CNBD1: variants seen among roughly 807,000 people sequenced by gnomAD.
CNBD1 encodes cyclic nucleotide binding domain containing 1.
Under a neutral mutation model 54.4 loss-of-function variants are expected in CNBD1, and 71 were observed. That is an observed-to-expected ratio of 1.30 (90% CI 1.08 to 1.59). The LOEUF is 1.59. Ranked by LOEUF, CNBD1 falls within the 40% of genes most tolerant of loss-of-function variation. CNBD1 has a pLI of 0.00. For missense variants in CNBD1, 659 were observed against 518.0 expected (o/e 1.27, Z -2.64); for synonymous variants, 182 against 170.7 (o/e 1.07, Z -0.51).
intron 8 of CNBD1, among the ~76,000 whole-genome samples, chr8:87,319,128 G>A (rs1479542710): frequency 6.6e-6 from 1 of 152,082 alleles, no homozygotes; most frequent in African/African-American, 2.4e-5. Context: ...GCCCCTCAAT[G>A]CTGAGAGCAC....
intron 4 of CNBD1, among the ~76,000 whole-genome samples, chr8:86,986,196 G>T (rs1808603100): frequency 6.6e-6 from 1 of 152,128 alleles, no homozygotes; most frequent in Non-Finnish European, 1.5e-5. Flanking sequence ...CCAAAGTGCT[G>T]CGATTACAGG....
chr8:87,318,975 A>G (rs1358701078), intron 8 of CNBD1, among the ~76,000 whole-genome samples: 1 of 152,150 alleles, frequency 6.6e-6, no homozygotes, highest in African/African-American at 2.4e-5. Flanking sequence ...ATAATGAAAT[A>G]AACTTGGAGC....
chr8:87,137,489 A>C (rs1812280378), intron 4 of CNBD1, among the ~76,000 whole-genome samples: 1 of 151,924 alleles, frequency 6.6e-6, no homozygotes, highest in Admixed American at 6.6e-5. Context: ...GGCGTGAGCC[A>C]CCGCGGCCGG....
At chr8:87,118,110 T>C (rs895968488) in intron 4 of CNBD1, among the ~76,000 whole-genome samples, 2 of 151,800 alleles carry the variant, frequency 1.3e-5, no homozygotes, top group Admixed American at 6.6e-5. Context: ...GGTCAGGAGA[T>C]TGAGACCAGC....
At chr8:87,268,681 T>G (rs1454556860) in intron 6 of CNBD1, among the ~76,000 whole-genome samples, 1 of 152,130 alleles carries the variant, frequency 6.6e-6, no homozygotes, top group East Asian at 1.9e-4. Context: ...TCTCTAATAA[T>G]TAGTAATGAG....
chr8:87,376,806 G>A (rs535913408), intron 10 of CNBD1, among the ~76,000 whole-genome samples: 2 of 151,954 alleles, frequency 1.3e-5, no homozygotes, highest in South Asian at 2.1e-4. Flanking sequence ...AAATTTGTAA[G>A]TATTGGAGCC....
At chr8:87,164,884 T>C (rs1465279339) in intron 4 of CNBD1, among the ~76,000 whole-genome samples, 3 of 151,884 alleles carry the variant, frequency 2.0e-5, no homozygotes, top group Non-Finnish European at 4.4e-5. Flanking sequence ...TTATTTGAGA[T>C]CTTTTGTTTT....
In CNBD1 at chr8:87,018,572, T is replaced by C. The variant is rs74783371; in HGVS notation, c.431+78818T>C. Among the ~76,000 whole-genome samples, 506 of 152,322 alleles carry C rather than the reference T, an allele frequency of 3.3e-3. 13 individuals carry two copies. In the East Asian group the frequency reaches 0.075, roughly 23 times the overall value. On this transcript the variant is annotated intron_variant, in intron 4 of 10. Coordinates refer to ENST00000518476, the MANE Select transcript of CNBD1 (RefSeq NM_173538.3). ...CCCTAAAGGAGTAGGTTCCTTTTCCTGGTCTAACATACAAATTACTATTAT... is the reference window on the plus strand; with the variant it reads ...CCCTAAAGGAGTAGGTTCCTTTTCCCGGTCTAACATACAAATTACTATTAT...
At chr8:87,139,569 G>A (rs1812330310) in intron 4 of CNBD1, among the ~76,000 whole-genome samples, 1 of 152,314 alleles carries the variant, frequency 6.6e-6, no homozygotes, top group Admixed American at 6.5e-5. Context: ...CTTGGGAACA[G>A]CCACCTTGAC....
In CNBD1 at chr8:87,382,655, A is replaced by T. The variant is rs1440817186; in HGVS notation, c.*28A>T. ...CTAGAAACAACCTCAGTGAACATTA[A>T]TTAAGAAAGTATTGACTAAATAATG... is the stretch of plus-strand genomic sequence containing the variant. On this transcript the variant is annotated 3_prime_UTR_variant, in exon 11 of 11. Transcript: ENST00000518476. 6.7e-7 allele frequency: 1 copy of T among 1,493,112 alleles called. No individual in the cohort carries two copies. The highest frequency in any genetic ancestry group is 1.4e-5 in the African/African-American group (1 of 71,728). The allele number at this position is 1,493,112 out of a possible 1,614,324, so 92.5% of individuals were successfully genotyped here.
At chr8:87,271,227 T>A (rs1808356571) in intron 6 of CNBD1, among the ~76,000 whole-genome samples, 2 of 151,882 alleles carry the variant, frequency 1.3e-5, no homozygotes, top group South Asian at 4.1e-4. Context: ...ACCATTTCAC[T>A]TTGTTGATCT....
At chr8:87,265,673 A>T (rs1347582952) in intron 6 of CNBD1, among the ~76,000 whole-genome samples, 6 of 152,070 alleles carry the variant, frequency 3.9e-5, no homozygotes, top group African/African-American at 7.2e-5. Flanking sequence ...TCTTTTTCTT[A>T]ATAAAGTTTT....
At chr8:87,253,710 A>G (rs1324463581) in intron 6 of CNBD1, among the ~76,000 whole-genome samples, 2 of 152,182 alleles carry the variant, frequency 1.3e-5, no homozygotes, top group African/African-American at 4.8e-5. Flanking sequence ...CTAGGGAGAA[A>G]ATTAACCAAC....
chr8:87,246,179 G>C (rs957832435), intron 6 of CNBD1, among the ~76,000 whole-genome samples: 3 of 151,972 alleles, frequency 2.0e-5, no homozygotes, highest in Non-Finnish European at 2.9e-5. Flanking sequence ...GGCAAGCCTG[G>C]TCTATAATTT....
chr8:87,212,652 G>A (rs1814124575), intron 5 of CNBD1, among the ~76,000 whole-genome samples: 2 of 152,080 alleles, frequency 1.3e-5, no homozygotes, highest in Admixed American at 1.3e-4. Context: ...TAAATATCAA[G>A]ATGCTAAATA....
intron 4 of CNBD1, among the ~76,000 whole-genome samples, chr8:87,028,045 A>T (rs1038540434): frequency 2.0e-5 from 3 of 152,150 alleles, no homozygotes; most frequent in African/African-American, 7.2e-5. Flanking sequence ...ACACACACAC[A>T]CACAACACAC....
chr8:87,407,128 C>A (rs1807665426), intron 2 of CNBD1, among the ~76,000 whole-genome samples: 1 of 152,004 alleles, frequency 6.6e-6, no homozygotes, highest in South Asian at 2.1e-4. Flanking sequence ...ACAATTAACA[C>A]CCTAGAAGCC....
chr8:87,272,329 A>G (rs1358579122), intron 6 of CNBD1, among the ~76,000 whole-genome samples: 3 of 152,046 alleles, frequency 2.0e-5, no homozygotes, highest in Admixed American at 2.0e-4. Flanking sequence ...CATCACATGT[A>G]TCTAAAAAAT....
intron 10 of CNBD1, among the ~76,000 whole-genome samples, chr8:87,372,092 C>A (rs1372032497): frequency 2.0e-5 from 3 of 151,996 alleles, no homozygotes; most frequent in African/African-American, 7.2e-5. Context: ...GAAAACCCCA[C>A]TGTCTCAGCC....
Sources: gnomAD v4.1 joint callset for allele counts (sites outside exome capture counted in the v4.1 genomes callset) on GRCh38, gnomAD v4.1.1 for gene constraint, MANE v1.5 for transcripts, NCBI Gene and HGNC (gene_info 2026-07-23, HGNC 2026-07-21) for gene names.